Variants in ZCCHC14 observed in about 807,000 individuals in gnomAD.
The protein encoded by ZCCHC14 is zinc finger CCHC domain-containing protein 14.
In ZCCHC14, 16 loss-of-function variants were observed where a neutral mutation model predicts 85.0. That is an observed-to-expected ratio of 0.19 (90% confidence interval 0.13 to 0.29). ZCCHC14 has a LOEUF of 0.29. Among genes scored for constraint, ZCCHC14 ranks in the 10% least tolerant of loss-of-function variants. The pLI, the probability that ZCCHC14 is intolerant of heterozygous loss-of-function variation, is 1.00. For missense variants in ZCCHC14, 1,303 were observed against 1,443.5 expected, an observed-to-expected ratio of 0.90 and a Z score of 1.58; for synonymous variants, 775 against 630.7, an observed-to-expected ratio of 1.23 and a Z score of -3.43.
intron 2 of ZCCHC14, among the ~76,000 whole-genome samples, chr16:87,453,580 G>A (rs1910812892): frequency 2.6e-5 from 4 of 152,240 alleles, no homozygotes; most frequent in Admixed American, 2.6e-4. Flanking sequence ...CAGCCACGGT[G>A]GAGGGCCGAC....
At position 87,411,723 on chromosome 16, in the gene ZCCHC14, C is replaced by A; in HGVS notation, c.2998G>T (p.Val1000Phe). The change falls in exon 12 of 13, where the codon GTC (valine) becomes TTC (phenylalanine). Residue 1000 changes from valine to phenylalanine, a missense_variant. This residue lies in a region of ZCCHC14 where 797 missense variants were observed against 730.8 expected (regional missense o/e 1.09). Transcript: ENST00000671377. ...PYSSSGTPDP[V>F]LSGQSTFAVP... Reference sequence around the variant, plus strand: ...GCAAACGTGGACTGCCCACTCAGGACAGGGTCTGGGGTCCCGCTGCTGCTG... The same window carrying A: ...GCAAACGTGGACTGCCCACTCAGGAAAGGGTCTGGGGTCCCGCTGCTGCTG... 6.2e-7 allele frequency: 1 copy of A among 1,614,060 alleles called. No individual in the cohort carries two copies. Among genetic ancestry groups the A allele is most frequent in the Non-Finnish European group, 8.5e-7 (1 of 1,180,026 alleles).
chr16:87,464,672 T>C (rs889160470), intron 1 of ZCCHC14, among the ~76,000 whole-genome samples: 8 of 152,230 alleles, frequency 5.3e-5, no homozygotes, highest in Non-Finnish European at 1.2e-4. Flanking sequence ...CTCCGTATAT[T>C]TTCCCAAGGA....
intron 2 of ZCCHC14, among the ~76,000 whole-genome samples, chr16:87,438,155 C>T (rs1220968822): frequency 2.0e-5 from 3 of 152,278 alleles, no homozygotes; most frequent in Admixed American, 6.5e-5. Flanking sequence ...CGGGCACGCG[C>T]TCCAATGCTG....
rs1011788320 is a variant in ZCCHC14 at position 87,420,106 on chromosome 16, C to T, written c.951-229G>A. 4.6e-5 allele frequency among the ~76,000 whole-genome samples: 7 copies of T among 152,328 alleles called. No homozygotes were observed. Among genetic ancestry groups the T allele is most frequent in the African/African-American group, 1.7e-4 (7 of 41,576 alleles). On this transcript the variant is annotated intron_variant, in intron 5 of 12. Transcript: ENST00000671377. This position sits in a 1 kb window ranked among gnomAD's most constrained non-coding sequence, Gnocchi z 5.0. ...CTGTATTCATGGCCACCAAGGTTGA[C>T]GACAGCAGTCATGCCCTGTGACATG...
At chr16:87,478,406 G>C (rs1243141216) in intron 1 of ZCCHC14, among the ~76,000 whole-genome samples, 1 of 152,206 alleles carries the variant, frequency 6.6e-6, no homozygotes, top group African/African-American at 2.4e-5. Flanking sequence ...GGGGTGCAGA[G>C]AAGGTTGGAA....
At chr16:87,453,473 G>C (rs1254739825) in intron 2 of ZCCHC14, among the ~76,000 whole-genome samples, 1 of 152,236 alleles carries the variant, frequency 6.6e-6, no homozygotes, top group East Asian at 1.9e-4. Context: ...GCCCTGGGAA[G>C]AGGGGATAGG....
rs958344119 is a variant in ZCCHC14 at position 87,491,580 on chromosome 16, G to C, written c.570+89C>G. The C allele has an allele frequency of 1.4e-5, 17 of 1,210,048 alleles. No homozygotes were observed. The African/African-American group carries it at 2.7e-4, about 20-fold the overall frequency. 75.0% of individuals were successfully genotyped at this position (1,210,048 alleles called of 1,614,324 possible). On this transcript the variant is annotated intron_variant, in intron 1 of 12. Coordinates refer to ENST00000671377, the MANE Select transcript of ZCCHC14 (RefSeq NM_015144.3). The surrounding 1 kb of genome is among the most constrained non-coding windows in gnomAD (Gnocchi z 5.9). ...TCAGTGCAGGCTGGAGGCGTGGGTC[G>C]GGGGGTCGCGGTGCAGGCTGGAGGC... is the stretch of plus-strand genomic sequence containing the variant.
chr16:87,461,833 C>G (rs1210965471), intron 1 of ZCCHC14, among the ~76,000 whole-genome samples: 1 of 152,256 alleles, frequency 6.6e-6, no homozygotes, highest in Non-Finnish European at 1.5e-5. Flanking sequence ...CCAGCTCTGT[C>G]AATGCCCCTG....
intron 2 of ZCCHC14, among the ~76,000 whole-genome samples, chr16:87,442,680 G>C (rs182050245): frequency 6.6e-6 from 1 of 152,152 alleles, no homozygotes; most frequent in African/African-American, 2.4e-5. Context: ...ATCCAAACAA[G>C]ATAAGCCCAA....
In ZCCHC14 at chr16:87,411,753, G is replaced by T. The variant is rs1220414254; in HGVS notation, c.2968C>A (p.Pro990Thr). The stretch of plus-strand genomic sequence containing the variant: ...TCTGGGGTCCCGCTGCTGCTGTAAG[G>T]GGCGTGCACGACGGGGAAGGTGGAG... The part of the protein sequence containing the change: ...GGSTFPVVHA[P>T]YSSSGTPDPV... Residue 990 changes from proline to threonine, a missense_variant, in exon 12 of 13, where the codon CCT becomes ACT. By Grantham distance (38) the Pro-to-Thr change is conservative. This residue lies in a region of ZCCHC14 where 797 missense variants were observed against 730.8 expected (regional missense o/e 1.09). Coordinates refer to ENST00000671377, the MANE Select transcript of ZCCHC14 (RefSeq NM_015144.3). 1.2e-6 allele frequency: 2 copies of T among 1,612,568 alleles called. No individual in the cohort carries two copies. The highest frequency in any genetic ancestry group is 2.7e-5 in the African/African-American group (2 of 74,936).
At chr16:87,415,908 CTTATT>C (rs1430524055) in intron 8 of ZCCHC14, among the ~76,000 whole-genome samples, 1 of 152,004 alleles carries the variant, frequency 6.6e-6, no homozygotes. Context: ...AAATCTCGCT[CTTATT>C]TTGTTTTTGT....
Position 87,406,904 on chromosome 16 carries a change from AGGACTCTCCTCT to A in ZCCHC14, c.*3364_*3375del. The A allele has an allele frequency of 6.6e-6, 1 of 152,312 alleles. No individual in the cohort carries two copies. The highest frequency in any genetic ancestry group is 1.5e-5 in the Non-Finnish European group (1 of 68,032). The allele number at this position is 152,312 out of a possible 1,614,324, so 9.4% of individuals were successfully genotyped here. ...GCAGCCACCCCCGCTCAGGTCGCAC[AGGACTCTCCTCT>A]GGGACAGCAGTCGAGTCAAGCAGGG... On this transcript the variant is annotated 3_prime_UTR_variant, in exon 13 of 13. Coordinates refer to ENST00000671377, the MANE Select transcript of ZCCHC14 (RefSeq NM_015144.3).
chr16:87,477,286 A>G (rs191676478), intron 1 of ZCCHC14, among the ~76,000 whole-genome samples: 1 of 152,236 alleles, frequency 6.6e-6, no homozygotes, highest in Non-Finnish European at 1.5e-5. Flanking sequence ...GGTACTGAGG[A>G]CTATCAGTTA....
chr16:87,422,137 C>G (rs1909131352), intron 4 of ZCCHC14, among the ~76,000 whole-genome samples: 1 of 152,144 alleles, frequency 6.6e-6, no homozygotes, highest in Non-Finnish European at 1.5e-5. Flanking sequence ...GAGATGGAAA[C>G]TTCATGAACA....
intron 8 of ZCCHC14, 145 bp downstream of exon 8, chr16:87,417,315 C>T (rs1908840118): frequency 3.2e-6 from 4 of 1,239,622 alleles, no homozygotes; most frequent in African/African-American, 1.5e-5. Context: ...CTCCGCAAAG[C>T]CCACCGTCTC....
chr16:87,411,424 C>G, intron 12 of ZCCHC14, 92 bp downstream of exon 12: 1 of 1,544,552 alleles, frequency 6.5e-7, no homozygotes, highest in Non-Finnish European at 8.7e-7. Flanking sequence ...ATTTGCTTTA[C>G]AAAGAAAGAA....
intron 3 of ZCCHC14, among the ~76,000 whole-genome samples, chr16:87,424,087 T>C (rs1909243902): frequency 6.6e-6 from 1 of 152,120 alleles, no homozygotes; most frequent in South Asian, 2.1e-4. Flanking sequence ...GTCTAACTTG[T>C]TTTATGCAAT....
chr16:87,456,638 T>C (rs181191151), intron 2 of ZCCHC14, among the ~76,000 whole-genome samples: 2 of 151,978 alleles, frequency 1.3e-5, no homozygotes, highest in Non-Finnish European at 2.9e-5. Flanking sequence ...GTTTTGGAGT[T>C]TGGTCTTTAG....
At chr16:87,418,374 G>A (rs74900338) in intron 7 of ZCCHC14, among the ~76,000 whole-genome samples, 2,570 of 152,244 alleles carry the variant, frequency 0.017, 26 homozygotes, top group Middle Eastern at 0.044. Context: ...TCTACGCCTC[G>A]AAACCTCGCG....
Sources: allele counts gnomAD v4.1 joint callset (sites outside exome capture counted in the v4.1 genomes callset), GRCh38; gene constraint gnomAD v4.1.1; regional missense constraint gnomAD v4.1.1; non-coding constraint Gnocchi (gnomAD v3.1); transcripts MANE v1.5; gene names NCBI Gene and HGNC (gene_info 2026-07-23, HGNC 2026-07-21).